ERI1: variants seen among roughly 807,000 people sequenced by gnomAD.
ERI1 encodes the protein exoribonuclease 1.
Under a neutral mutation model 39.7 loss-of-function variants are expected in ERI1, and 39 were observed. The ratio of observed to expected loss-of-function variants is 0.98; its 90% CI spans 0.76 to 1.28. ERI1 has a LOEUF of 1.28. Ranked by LOEUF, ERI1 falls within the 50% of genes most tolerant of loss-of-function variation. ERI1 has a pLI of 0.00. For missense variants in ERI1, 581 were observed against 416.9 expected (o/e 1.39, Z -3.43); for synonymous variants, 204 against 149.6 (o/e 1.36, Z -2.65).
chr8:9,071,667 T>C (rs549380800), intron 3 of ERI1, among the ~76,000 whole-genome samples: 1 of 152,382 alleles, frequency 6.6e-6, no homozygotes, highest in Admixed American at 6.5e-5. Flanking sequence ...TGGCTCACTC[T>C]ATATGGCCGA....
chr8:9,039,007 C>G (rs1400323011), intron 3 of ERI1, among the ~76,000 whole-genome samples: 1 of 152,196 alleles, frequency 6.6e-6, no homozygotes, highest in South Asian at 2.1e-4. Context: ...TGATTAGTTT[C>G]TTGTTTATTT....
At chr8:9,085,499 C>T (rs1175338591) in intron 3 of ERI1, among the ~76,000 whole-genome samples, 1 of 152,014 alleles carries the variant, frequency 6.6e-6, no homozygotes, top group African/African-American at 2.4e-5. Context: ...TGAGCCACCG[C>T]GCCCGGCCCT....
At chr8:9,095,613 C>G (rs758294771) in intron 3 of ERI1, among the ~76,000 whole-genome samples, 1 of 151,980 alleles carries the variant, frequency 6.6e-6, no homozygotes, top group Non-Finnish European at 1.5e-5. Flanking sequence ...TCAAGCCTCC[C>G]TGCTTCAGGT....
intron 3 of ERI1, among the ~76,000 whole-genome samples, chr8:9,049,194 G>A (rs550079844): frequency 4.6e-5 from 7 of 151,562 alleles, no homozygotes; most frequent in African/African-American, 9.7e-5. Flanking sequence ...AAATTTGCCC[G>A]GCGTGGTGGC....
At chr8:9,003,399 C>T (rs1040952949) in intron 1 of ERI1, among the ~76,000 whole-genome samples, 2 of 152,254 alleles carry the variant, frequency 1.3e-5, no homozygotes, top group African/African-American at 2.4e-5. Flanking sequence ...AAGACCAGTT[C>T]TGTCTACAGT....
intron 2 of ERI1, among the ~76,000 whole-genome samples, chr8:9,009,459 T>G (rs973005739): frequency 3.3e-5 from 5 of 152,224 alleles, no homozygotes; most frequent in Admixed American, 1.3e-4. Flanking sequence ...GTTTGTATGG[T>G]TTCTGCAACA....
intron 2 of ERI1, 60 bp from the exon 3 acceptor site, chr8:9,011,482 A>G: frequency 8.7e-7 from 1 of 1,146,362 alleles, no homozygotes; most frequent in Non-Finnish European, 1.2e-6. Context: ...AGCAGGTGAG[A>G]GTTTTGATTC....
chr8:9,063,525 A>AG (rs1200741588), intron 3 of ERI1, among the ~76,000 whole-genome samples: 1 of 152,038 alleles, frequency 6.6e-6, no homozygotes, highest in African/African-American at 2.4e-5. Flanking sequence ...CCTGGCAAGG[A>AG]GGGGAGAGGT....
chr8:9,028,996 T>TTG (rs1554520051), intron 6 of ERI1, among the ~76,000 whole-genome samples: 2 of 145,268 alleles, frequency 1.4e-5, no homozygotes, highest in African/African-American at 5.1e-5. Flanking sequence ...TTTTTTTTTT[T>TTG]TAACTTATCA....
chr8:9,050,366 G>C (rs1489430316), intron 3 of ERI1, among the ~76,000 whole-genome samples: 1 of 152,112 alleles, frequency 6.6e-6, no homozygotes, highest in African/African-American at 2.4e-5. Context: ...AATTAGCTGA[G>C]CGTGGTGGCA....
rs931534881 is a variant in ERI1 at position 9,023,248 on chromosome 8, C to T, written c.807+2784C>T. On this transcript the variant is annotated intron_variant, in intron 6 of 6. Transcript: ENST00000250263. ...CTGAGTCATTTGTCCTGTTGTGTTT[C>T]CCCTTATCTGGATTTTGTAATCATA... is the stretch of plus-strand genomic sequence containing the variant. Among the ~76,000 whole-genome samples, 4 of 151,892 alleles carry T rather than the reference C, an allele frequency of 2.6e-5. No individual in the cohort carries two copies. In the South Asian group the frequency reaches 6.2e-4, roughly 24 times the overall value.
chr8:9,020,486 A>C lies in ERI1; in HGVS notation c.807+22A>C, dbSNP rs555969313. 27 of 1,388,582 alleles carry C rather than the reference A, an allele frequency of 1.9e-5. No individual in the cohort carries two copies. In the East Asian group the frequency reaches 6.1e-4, roughly 32 times the overall value. The allele number at this position is 1,388,582 out of a possible 1,614,324, so 86.0% of individuals were successfully genotyped here. On this transcript the variant is annotated intron_variant, in intron 6 of 6. Coordinates refer to ENST00000250263, the MANE Select transcript of ERI1 (RefSeq NM_153332.4). The stretch of plus-strand genomic sequence containing the variant: ...CAAGGTAAAATTTCTATATTTAATA[A>C]TTACGTGGTTCTTAATGATAAATTT...
intron 3 of ERI1, among the ~76,000 whole-genome samples, chr8:9,067,590 G>T (rs1250389571): frequency 6.6e-6 from 1 of 151,506 alleles, no homozygotes; most frequent in Non-Finnish European, 1.5e-5. Context: ...AGGACCTCCA[G>T]GCTGCAGTGA....
At chr8:9,057,659 G>A (rs982711800) in intron 3 of ERI1, among the ~76,000 whole-genome samples, 1 of 152,136 alleles carries the variant, frequency 6.6e-6, no homozygotes, top group Non-Finnish European at 1.5e-5. Context: ...TTCTAGTGAG[G>A]AGAGGAAGAA....
intron 6 of ERI1, among the ~76,000 whole-genome samples, chr8:9,029,302 A>G (rs765243752): frequency 2.1e-4 from 32 of 151,772 alleles, no homozygotes; most frequent in African/African-American, 6.8e-4. Context: ...TTCAGCTGAA[A>G]CTCTTAAGAT....
chr8:9,017,012 C>A (rs1448967503), intron 4 of ERI1, among the ~76,000 whole-genome samples: 2 of 152,016 alleles, frequency 1.3e-5, no homozygotes, highest in Middle Eastern at 3.4e-3. Context: ...TATCTGTTTA[C>A]AACCTGACTT....
intron 1 of ERI1, chr8:9,004,077 C>A (rs115387117): frequency 3.1e-6 from 4 of 1,289,236 alleles, no homozygotes; most frequent in African/African-American, 1.5e-5. Flanking sequence ...TTCCCAGTGC[C>A]CCTCGCTGCC....
chr8:9,051,997 CG>C (rs1798371677), intron 3 of ERI1, among the ~76,000 whole-genome samples: 1 of 151,976 alleles, frequency 6.6e-6, no homozygotes, highest in Admixed American at 6.6e-5. Context: ...CTCTGTTAAA[CG>C]GGGGCATGCC....
intron 3 of ERI1, chr8:9,049,701 C>T (rs1425148071): frequency 3.9e-5 from 6 of 152,120 alleles, no homozygotes; most frequent in Non-Finnish European, 8.8e-5. Flanking sequence ...GAAGCATGCC[C>T]TTTGAAAAGT....
Sources: gnomAD v4.1 joint callset for allele counts (sites outside exome capture counted in the v4.1 genomes callset) on GRCh38, gnomAD v4.1.1 for gene constraint, MANE v1.5 for transcripts, NCBI Gene and HGNC (gene_info 2026-07-23, HGNC 2026-07-21) for gene names.